BRAF: variants seen among roughly 807,000 people sequenced by gnomAD.
The protein encoded by BRAF is serine/threonine-protein kinase B-raf.
In BRAF, 16 loss-of-function variants were observed where a neutral mutation model predicts 104.6. The ratio of observed to expected loss-of-function variants is 0.15; its 90% confidence interval spans 0.10 to 0.23. The LOEUF (loss-of-function observed/expected upper bound fraction) is 0.23, where lower values mean the gene tolerates loss of function less well. Ranked by LOEUF, BRAF falls within the 10% of genes least tolerant of loss-of-function variation. BRAF has a pLI of 1.00. For missense variants in BRAF, 541 were observed against 937.3 expected (o/e 0.58, Z 5.52); for synonymous variants, 310 against 341.6 (o/e 0.91, Z 1.02).
chr7:140,749,331 T>G lies in BRAF; in HGVS notation c.2068A>C (p.Met690Leu). Residue 690 changes from methionine (M) to leucine (L), a missense_variant, in exon 17 of 20, where the codon ATG becomes CTG. Coordinates refer to ENST00000644969, the MANE Select transcript of BRAF (RefSeq NM_001374258.1). ...TTTGAATAAGGTAACTGTCCAGTCA[T>G]CAATTCATACAGAACAATTCCAAAT... ...YAFGIVLYELMTGQLPYSNIN... is the reference protein window; with the variant it reads ...YAFGIVLYELLTGQLPYSNIN... The G allele has an allele frequency of 6.2e-7, 1 of 1,612,470 alleles. No homozygotes were observed. The highest frequency in any genetic ancestry group is 8.5e-7 in the Non-Finnish European group (1 of 1,179,500).
chr7:140,856,730 T>C (rs1198415236), intron 1 of BRAF, among the ~76,000 whole-genome samples: 4 of 150,706 alleles, frequency 2.7e-5, no homozygotes, highest in African/African-American at 9.8e-5. Context: ...ATCTGGGAGG[T>C]AAACAGGGAA....
chr7:140,742,981 A>G (rs1206659167), intron 17 of BRAF, among the ~76,000 whole-genome samples: 1 of 152,226 alleles, frequency 6.6e-6, no homozygotes, highest in Non-Finnish European at 1.5e-5. Flanking sequence ...AATGCTCACC[A>G]TCACTGGCCA....
chr7:140,789,761 G>C (rs561872927), intron 8 of BRAF, among the ~76,000 whole-genome samples: 1 of 152,180 alleles, frequency 6.6e-6, no homozygotes, highest in East Asian at 1.9e-4. Context: ...ATGAAGTCTT[G>C]CTCTTGTCAC....
At chr7:140,735,837 C>CATG in intron 18 of BRAF, among the ~76,000 whole-genome samples, 1 of 151,956 alleles carries the variant, frequency 6.6e-6, no homozygotes, top group East Asian at 1.9e-4. Flanking sequence ...GGATTACAGA[C>CATG]ATGAGCCACC....
chr7:140,826,206 G>C (rs998104974), intron 3 of BRAF, among the ~76,000 whole-genome samples: 4 of 151,994 alleles, frequency 2.6e-5, no homozygotes, highest in Non-Finnish European at 5.9e-5. Flanking sequence ...TATGTAATTT[G>C]CTGTAACTAA....
intron 19 of BRAF, chr7:140,732,099 A>G (rs1222842118): frequency 2.3e-5 from 3 of 131,526 alleles, no homozygotes; most frequent in African/African-American, 8.2e-5. Flanking sequence ...TGAACCCGGG[A>G]GGCGGAGCTT....
chr7:140,761,325 G>C (rs1798705033), intron 14 of BRAF, among the ~76,000 whole-genome samples: 1 of 151,972 alleles, frequency 6.6e-6, no homozygotes, highest in Admixed American at 6.6e-5. Flanking sequence ...ATACTTTACA[G>C]ACAAGCAAAT....
At chr7:140,744,168 T>A (rs1797162959) in intron 17 of BRAF, among the ~76,000 whole-genome samples, 1 of 152,252 alleles carries the variant, frequency 6.6e-6, no homozygotes. Flanking sequence ...TATAGAGGGC[T>A]CTGGGTCATG....
rs116214201 is a variant in BRAF at position 140,882,021 on chromosome 7, C to T, written c.139-31809G>A. Among the ~76,000 whole-genome samples the T allele has an allele frequency of 2.5e-3, 374 of 152,256 alleles. 3 individuals are homozygous for T. The highest frequency in any genetic ancestry group is 8.6e-3 in the African/African-American group (358 of 41,558). ...CACAGAGACACAAAGTGAGCATGTG[C>T]TGTTGGAAAAATGGCGCTAACAGAC... On this transcript the variant is annotated intron_variant, in intron 1 of 19. Coordinates refer to ENST00000644969, the MANE Select transcript of BRAF (RefSeq NM_001374258.1).
intron 14 of BRAF, among the ~76,000 whole-genome samples, chr7:140,772,402 G>A (rs1039232661): frequency 2.2e-4 from 34 of 152,062 alleles, no homozygotes; most frequent in African/African-American, 7.7e-4. Flanking sequence ...GCAGTGGCTC[G>A]CTTGAGCCCA....
At chr7:140,864,810 G>A (rs559458848) in intron 1 of BRAF, among the ~76,000 whole-genome samples, 1 of 152,230 alleles carries the variant, frequency 6.6e-6, no homozygotes, top group African/African-American at 2.4e-5. Context: ...GTGGCTAAAG[G>A]GAATTTAATC....
At chr7:140,728,190 T>C (rs1337942002) in intron 19 of BRAF, among the ~76,000 whole-genome samples, 4 of 152,118 alleles carry the variant, frequency 2.6e-5, no homozygotes, top group Non-Finnish European at 5.9e-5. Flanking sequence ...CCAATTCTCA[T>C]GATAACCCTA....
At chr7:140,860,464 A>AG (rs1810289043) in intron 1 of BRAF, among the ~76,000 whole-genome samples, 2 of 120,440 alleles carry the variant, frequency 1.7e-5, no homozygotes, top group South Asian at 5.1e-4. Flanking sequence ...CCCCATCTCT[A>AG]GAAAAAAAAA....
chr7:140,886,761 C>CGT (rs925453067), intron 1 of BRAF, among the ~76,000 whole-genome samples: 1 of 152,194 alleles, frequency 6.6e-6, no homozygotes, highest in African/African-American at 2.4e-5. Context: ...TCAGAATTTG[C>CGT]GTGTGTGTGT....
chr7:140,907,251 G>A (rs1007806469), intron 1 of BRAF, among the ~76,000 whole-genome samples: 3 of 152,040 alleles, frequency 2.0e-5, no homozygotes, highest in South Asian at 2.1e-4. Flanking sequence ...AATCTATTAA[G>A]TTGGGTTTTT....
At chr7:140,920,945 G>C (rs1818152375) in intron 1 of BRAF, among the ~76,000 whole-genome samples, 1 of 152,192 alleles carries the variant, frequency 6.6e-6, no homozygotes, top group South Asian at 2.1e-4. Context: ...TCAGGGTTAT[G>C]ATGCAATCCA....
intron 14 of BRAF, among the ~76,000 whole-genome samples, chr7:140,767,407 G>A (rs1799438368): frequency 6.6e-6 from 1 of 152,192 alleles, no homozygotes; most frequent in African/African-American, 2.4e-5. Context: ...GGGGTAAGGG[G>A]ATGGAATCTA....
intron 4 of BRAF, chr7:140,808,467 A>T (rs948368021): frequency 3.0e-4 from 94 of 313,656 alleles, no homozygotes; most frequent in Middle Eastern, 6.5e-4. Context: ...TTTTTTTTTT[A>T]AAGAGGATTC....
At chr7:140,758,250 C>T (rs1281063000) in intron 14 of BRAF, 1 of 152,162 alleles carries the variant, frequency 6.6e-6, no homozygotes, top group Non-Finnish European at 1.5e-5. Context: ...AAATTACAGC[C>T]TTCCTTATAC....
Sources: gnomAD v4.1 joint callset for allele counts (sites outside exome capture counted in the v4.1 genomes callset) on GRCh38, gnomAD v4.1.1 for gene constraint, MANE v1.5 for transcripts, NCBI Gene and HGNC (gene_info 2026-07-23, HGNC 2026-07-21) for gene names.